The following VPS37A variants were observed in gnomAD, a reference collection of about 807,000 sequenced individuals.
VPS37A encodes vacuolar protein sorting-associated protein 37A.
Under a neutral mutation model 49.8 loss-of-function variants are expected in VPS37A, and 30 were observed. The ratio of observed to expected loss-of-function variants is 0.60; its 90% CI spans 0.45 to 0.82. The LOEUF (loss-of-function observed/expected upper bound fraction) is 0.82, where lower values mean the gene tolerates loss of function less well. Among genes scored for constraint, VPS37A ranks in the 40% least tolerant of loss-of-function variants. The pLI is 0.00. For missense variants in VPS37A, 593 were observed against 464.4 expected (o/e 1.28, Z -2.55); for synonymous variants, 195 against 160.6 (o/e 1.21, Z -1.62).
At chr8:17,268,151 G>T in intron 2 of VPS37A, 107 bp from the exon 3 acceptor site, 1 of 717,780 alleles carries the variant, frequency 1.4e-6, no homozygotes, top group Non-Finnish European at 2.3e-6. Flanking sequence ...CCATATCAAA[G>T]TGTGAAAATT....
chr8:17,248,537 A>G (rs1037644404), intron 1 of VPS37A: 15 of 341,434 alleles, frequency 4.4e-5, no homozygotes, highest in Non-Finnish European at 6.4e-5. Flanking sequence ...CGGCCTCCCA[A>G]AGTGCTGGGA....
At chr8:17,248,392 A>T in intron 1 of VPS37A, 1 of 447,328 alleles carries the variant, frequency 2.2e-6, no homozygotes, top group Non-Finnish European at 4.4e-6. Context: ...AGCTCCCCAC[A>T]CCCCTCCGAG....
At chr8:17,302,359 T>C, downstream of VPS37A, 2 of 1,433,698 alleles carry the variant, frequency 1.4e-6, no homozygotes, top group Non-Finnish European at 1.9e-6. Flanking sequence ...CTAAGGTATC[T>C]ATGATACCAC....
chr8:17,288,995 G>C (rs1815889066), intron 11 of VPS37A, among the ~76,000 whole-genome samples: 1 of 152,000 alleles, frequency 6.6e-6, no homozygotes, highest in Non-Finnish European at 1.5e-5. Context: ...TTTTCATGTT[G>C]GTTGGCTGCA....
the VPS37A span, chr8:17,313,158 G>A: frequency 1.3e-5 from 7 of 558,778 alleles, no homozygotes; most frequent in African/African-American, 9.3e-5. Flanking sequence ...ACAGACTACG[G>A]AGCTCTACAA....
At chr8:17,304,718 T>G (rs1262297283), downstream of VPS37A, among the ~76,000 whole-genome samples, 1 of 136,986 alleles carries the variant, frequency 7.3e-6, no homozygotes, top group Non-Finnish European at 1.6e-5. Context: ...CACCACCATC[T>G]GTACTGGCCT....
intron 1 of VPS37A, among the ~76,000 whole-genome samples, chr8:17,260,215 G>T (rs1812846311): frequency 6.6e-6 from 1 of 151,948 alleles, no homozygotes; most frequent in Non-Finnish European, 1.5e-5. Flanking sequence ...TATGTTTAGT[G>T]AATCTACTAT....
chr8:17,331,531 T>C, the VPS37A span, among the ~76,000 whole-genome samples: 1 of 152,220 alleles, frequency 6.6e-6, no homozygotes, highest in African/African-American at 2.4e-5. Context: ...AGTCTACTGA[T>C]AAACCCTTCT....
the VPS37A span, among the ~76,000 whole-genome samples, chr8:17,321,709 G>C: frequency 1.1e-4 from 16 of 152,146 alleles, no homozygotes; most frequent in African/African-American, 3.9e-4. Context: ...CCATTTTGCT[G>C]AACAAAGTTC....
the VPS37A span, among the ~76,000 whole-genome samples, chr8:17,331,776 C>T: frequency 1.3e-5 from 2 of 152,126 alleles, no homozygotes; most frequent in African/African-American, 4.8e-5. Flanking sequence ...CCACAAGATC[C>T]CTCAGATGCC....
At position 17,280,229 on chromosome 8, in the gene VPS37A, T is replaced by C; in HGVS notation, c.842-10T>C. On this transcript the variant is annotated splice_polypyrimidine_tract_variant and intron_variant, in intron 7 of 11. Transcript: ENST00000324849. ...TTTACCTAGAAGTAAACTAGAGATT[T>C]ATCTTACAGGAAAAAATCTCCTTTT... 1 of 1,612,502 alleles carries C rather than the reference T, an allele frequency of 6.2e-7. No homozygotes were observed. The highest frequency in any genetic ancestry group is 8.5e-7 in the Non-Finnish European group (1 of 1,179,232).
intron 4 of VPS37A, 95 bp downstream of exon 4, chr8:17,269,051 CCT>C (rs1813735311): frequency 2.4e-6 from 2 of 849,960 alleles, no homozygotes; most frequent in South Asian, 1.9e-5. Flanking sequence ...AAAAATCAGT[CCT>C]CTGATTTCTA....
At chr8:17,258,325 A>G (rs1812663962) in intron 1 of VPS37A, among the ~76,000 whole-genome samples, 1 of 152,130 alleles carries the variant, frequency 6.6e-6, no homozygotes. Context: ...TATTCCTTCT[A>G]TACCCAGTTC....
intron 1 of VPS37A, chr8:17,265,686 C>G: frequency 8.0e-7 from 1 of 1,250,258 alleles, no homozygotes; most frequent in Non-Finnish European, 1.1e-6. Flanking sequence ...ACATCATCAT[C>G]CCCCTTCCCC....
intron 4 of VPS37A, chr8:17,271,981 A>G: frequency 2.2e-6 from 1 of 456,636 alleles, no homozygotes; most frequent in Non-Finnish European, 4.4e-6. Context: ...CTCTTCTCAC[A>G]TTTTACTACA....
chr8:17,285,385 A>AT (rs1304173038), intron 10 of VPS37A, among the ~76,000 whole-genome samples: 4 of 152,210 alleles, frequency 2.6e-5, no homozygotes, highest in African/African-American at 9.7e-5. Context: ...TATAGAATAC[A>AT]TTTTTAAAAA....
At chr8:17,284,929 A>G (rs972637213) in intron 10 of VPS37A, among the ~76,000 whole-genome samples, 1 of 152,120 alleles carries the variant, frequency 6.6e-6, no homozygotes, top group Non-Finnish European at 1.5e-5. Flanking sequence ...CTTGAGATAT[A>G]AATGAGAGTG....
chr8:17,311,657 A>G, the VPS37A span: 2 of 1,613,838 alleles, frequency 1.2e-6, no homozygotes, highest in Admixed American at 1.7e-5. Context: ...CACGATCCGC[A>G]AAGAGTCACA....
intron 11 of VPS37A, among the ~76,000 whole-genome samples, chr8:17,288,385 C>G (rs563524425): frequency 6.6e-6 from 1 of 152,236 alleles, no homozygotes; most frequent in African/African-American, 2.4e-5. Context: ...CCCAACTCCC[C>G]AACAGGCTCC....
Sources: allele counts gnomAD v4.1 joint callset (sites outside exome capture counted in the v4.1 genomes callset), GRCh38; gene constraint gnomAD v4.1.1; transcripts MANE v1.5; gene names NCBI Gene and HGNC (gene_info 2026-07-23, HGNC 2026-07-21).